The following GRIN2B variants were observed in gnomAD, a reference collection of about 807,000 sequenced individuals.
GRIN2B encodes the protein glutamate receptor ionotropic, NMDA 2B.
In GRIN2B, 5 loss-of-function variants were observed where a neutral mutation model predicts 114.5. That is an observed-to-expected ratio of 0.04 (90% CI 0.02 to 0.09). The LOEUF is 0.09. Among genes scored for constraint, GRIN2B ranks in the 10% least tolerant of loss-of-function variants. The pLI is 1.00. For synonymous variants in GRIN2B, 787 were observed against 745.1 expected (o/e 1.06, Z -0.92); for missense variants, 1,108 against 1,943.5 (o/e 0.57, Z 8.08).
intron 4 of GRIN2B, among the ~76,000 whole-genome samples, chr12:13,707,171 C>G (rs1315767437): frequency 1.3e-5 from 2 of 152,078 alleles, no homozygotes; most frequent in Non-Finnish European, 2.9e-5. Flanking sequence ...TCAATTCTGT[C>G]AGCTCTTACT....
intron 2 of GRIN2B, among the ~76,000 whole-genome samples, chr12:13,941,906 G>A (rs1488478575): frequency 6.6e-6 from 1 of 152,188 alleles, no homozygotes; most frequent in South Asian, 2.1e-4. Context: ...GTCTGCTAAG[G>A]ACAACTGGAA....
chr12:13,843,049 ATT>A (rs2136717305), intron 3 of GRIN2B, among the ~76,000 whole-genome samples: 1 of 95,840 alleles, frequency 1.0e-5, no homozygotes, highest in African/African-American at 4.0e-5. Flanking sequence ...TTATTTATTT[ATT>A]TATATTTTAT....
At chr12:13,680,718 A>ACT (rs747625877) in intron 4 of GRIN2B, among the ~76,000 whole-genome samples, 4 of 151,914 alleles carry the variant, frequency 2.6e-5, no homozygotes, top group African/African-American at 4.8e-5. Flanking sequence ...AAGTCTTCTG[A>ACT]CTCTCAGCTC....
intron 2 of GRIN2B, among the ~76,000 whole-genome samples, chr12:13,892,891 G>A (rs938559457): frequency 6.6e-6 from 1 of 152,116 alleles, no homozygotes; most frequent in Non-Finnish European, 1.5e-5. Context: ...TGTTCTAAAC[G>A]TGAATTCACC....
At chr12:13,571,658 AACTTGGAAATCC>A in intron 11 of GRIN2B, 134 bp downstream of exon 11, 1 of 834,580 alleles carries the variant, frequency 1.2e-6, no homozygotes, top group Non-Finnish European at 2.0e-6. Flanking sequence ...GATCAAATTT[AACTTGGAAATCC>A]ATAAAGAGCA....
intron 2 of GRIN2B, among the ~76,000 whole-genome samples, chr12:13,918,940 A>G (rs1023497816): frequency 1.8e-4 from 27 of 152,214 alleles, no homozygotes; most frequent in Non-Finnish European, 3.2e-4. Flanking sequence ...TTAGCAGTTC[A>G]ACTAACTTAT....
intron 3 of GRIN2B, among the ~76,000 whole-genome samples, chr12:13,865,037 G>C (rs150729837): frequency 1.3e-5 from 2 of 152,166 alleles, no homozygotes; most frequent in Non-Finnish European, 2.9e-5. Flanking sequence ...TGTGATGAGC[G>C]TTAATACCTT....
chr12:13,969,050 G>C (rs1334051519), intron 2 of GRIN2B, among the ~76,000 whole-genome samples: 1 of 152,264 alleles, frequency 6.6e-6, no homozygotes, highest in Non-Finnish European at 1.5e-5. Context: ...GGTAGGCTAA[G>C]ATGATGATAC....
In GRIN2B at chr12:13,975,576, A is replaced by C. The variant is rs577545234; in HGVS notation, c.-19+4352T>G. Reference sequence around the variant, plus strand: ...TATTCTTGATCTCATCTAACAACAAAATTTTAACCCTTCCTAAACCCAACA... The same window carrying C: ...TATTCTTGATCTCATCTAACAACAACATTTTAACCCTTCCTAAACCCAACA... On this transcript the variant is annotated intron_variant, in intron 2 of 13. Transcript: ENST00000609686. Among the ~76,000 whole-genome samples the C allele has an allele frequency of 1.6e-4, 25 of 152,290 alleles. No homozygotes were observed. In the South Asian group the frequency reaches 5.2e-3, roughly 32 times the overall value.
At chr12:13,733,135 G>T (rs141738891) in intron 4 of GRIN2B, among the ~76,000 whole-genome samples, 3 of 152,106 alleles carry the variant, frequency 2.0e-5, no homozygotes, top group Non-Finnish European at 4.4e-5. Context: ...TTTCTGGTAC[G>T]TGCAACAGGA....
At chr12:13,874,217 T>A (rs775436259) in intron 2 of GRIN2B, among the ~76,000 whole-genome samples, 1 of 152,246 alleles carries the variant, frequency 6.6e-6, no homozygotes, top group South Asian at 2.1e-4. Context: ...CAACCAGACC[T>A]GTCACCTGGG....
At chr12:13,838,342 C>T (rs1372905914) in intron 3 of GRIN2B, among the ~76,000 whole-genome samples, 1 of 152,166 alleles carries the variant, frequency 6.6e-6, no homozygotes, top group Non-Finnish European at 1.5e-5. Context: ...GAGGAAAAAA[C>T]CCTAGTCTAA....
At position 13,563,229 on chromosome 12, in the gene GRIN2B, C is replaced by T. The variant is rs201335987; in HGVS notation, c.4009G>A (p.Ala1337Thr). The T allele has an allele frequency of 1.9e-6, 3 of 1,614,186 alleles. No individual in the cohort carries two copies. The highest frequency in any genetic ancestry group is 1.7e-6 in the Non-Finnish European group (2 of 1,180,040). ...CCAGCTGACATCTCAAACATGTGGGCGTAGGGGCTCCCATCCATGAATCGG... is the reference window on the plus strand; with the variant it reads ...CCAGCTGACATCTCAAACATGTGGGTGTAGGGGCTCCCATCCATGAATCGG... Reference protein sequence around the residue: ...KGRFMDGSPYAHMFEMSAGES... With the variant: ...KGRFMDGSPYTHMFEMSAGES... Residue 1337 changes from alanine to threonine, a missense_variant, in exon 14 of 14, where the codon GCC becomes ACC. Transcript: ENST00000609686.
At chr12:13,921,333 A>C in intron 2 of GRIN2B, among the ~76,000 whole-genome samples, 1 of 152,234 alleles carries the variant, frequency 6.6e-6, no homozygotes, top group African/African-American at 2.4e-5. Context: ...GGGAGGCAGA[A>C]GTTGCAATGA....
chr12:13,779,322 G>A (rs952293689), intron 3 of GRIN2B, among the ~76,000 whole-genome samples: 1 of 152,226 alleles, frequency 6.6e-6, no homozygotes, highest in African/African-American at 2.4e-5. Context: ...GGGATTACAG[G>A]TGTGAGCCAC....
At chr12:13,680,493 A>T (rs1271533848) in intron 4 of GRIN2B, among the ~76,000 whole-genome samples, 2 of 137,402 alleles carry the variant, frequency 1.5e-5, no homozygotes, top group East Asian at 2.4e-4. Context: ...TGTATTTTAA[A>T]TTGCTTGATT....
chr12:13,811,547 C>G (rs1055095612), intron 3 of GRIN2B, among the ~76,000 whole-genome samples: 3 of 152,196 alleles, frequency 2.0e-5, no homozygotes, highest in African/African-American at 7.2e-5. Context: ...CGCCACTGTA[C>G]TCAGCCTGGG....
Position 13,607,406 on chromosome 12 carries a change from T to A in GRIN2B, c.2010+1197A>T, listed in dbSNP as rs1481920241. Reference sequence around the variant, plus strand: ...TATAATATATATTATATATAATATATAAAATATATAATATATATTATATAT... The same window carrying A: ...TATAATATATATTATATATAATATAAAAAATATATAATATATATTATATAT... On this transcript the variant is annotated intron_variant, in intron 10 of 13. Transcript: ENST00000609686. Among the ~76,000 whole-genome samples, 22 of 77,274 alleles carry A rather than the reference T, an allele frequency of 2.8e-4. No individual in the cohort carries two copies. The South Asian group carries it at 5.3e-3, about 19-fold the overall frequency. 50.7% of individuals were successfully genotyped at this position (77,274 alleles called of 152,430 possible). A position where few individuals can be genotyped will look rare whatever the true frequency, so the allele number is the denominator to read the frequency against.
At chr12:13,690,610 T>C (rs1950208930) in intron 4 of GRIN2B, among the ~76,000 whole-genome samples, 1 of 152,150 alleles carries the variant, frequency 6.6e-6, no homozygotes, top group African/African-American at 2.4e-5. Context: ...AAAACATAGA[T>C]CTGCCTGTGA....
Sources: gnomAD v4.1 joint callset for allele counts (sites outside exome capture counted in the v4.1 genomes callset) on GRCh38, gnomAD v4.1.1 for gene constraint, MANE v1.5 for transcripts, NCBI Gene and HGNC (gene_info 2026-07-23, HGNC 2026-07-21) for gene names.